Variants in EYS observed in about 807,000 individuals in gnomAD.
EYS encodes EGF-like photoreceptor maintenance factor.
A neutral mutation model predicts 282.1 loss-of-function variants in EYS; 250 were observed. That is an observed-to-expected ratio of 0.89 (90% CI 0.80 to 0.98). EYS has a LOEUF of 0.98. EYS is among the 50% of genes least tolerant of loss of function. The pLI is 0.00. For missense variants in EYS, 4,016 were observed against 3,709.0 expected (o/e 1.08, Z -2.15); for synonymous variants, 1,355 against 1,282.9 (o/e 1.06, Z -1.20).
At chr6:65,170,785 T>C (rs1765087017) in intron 12 of EYS, among the ~76,000 whole-genome samples, 1 of 151,514 alleles carries the variant, frequency 6.6e-6, no homozygotes, top group South Asian at 2.1e-4. Context: ...ATCAATGACA[T>C]CTAAGATGAA....
At chr6:65,346,275 A>G (rs923009270) in intron 9 of EYS, among the ~76,000 whole-genome samples, 47 of 151,816 alleles carry the variant, frequency 3.1e-4, no homozygotes, top group African/African-American at 1.1e-3. Flanking sequence ...GAAAGACTCC[A>G]AACGAGAGAG....
rs1211643493 is a variant in EYS at position 65,134,761 on chromosome 6, G to A, written c.2024-77034C>T. Among the ~76,000 whole-genome samples, 2 of 151,908 alleles carry A rather than the reference G, an allele frequency of 1.3e-5. 1 individual carries two copies. The highest frequency in any genetic ancestry group is 1.3e-4 in the Admixed American group (2 of 15,194). On this transcript the variant is annotated intron_variant, in intron 12 of 42. Transcript: ENST00000503581. ...CCTGAATCTAAAATAAAAAGAGAGG[G>A]AAAGATCAATTTATCATTAAAACTG...
At chr6:64,361,510 T>C (rs1484473117) in intron 29 of EYS, among the ~76,000 whole-genome samples, 1 of 151,930 alleles carries the variant, frequency 6.6e-6, no homozygotes, top group Admixed American at 6.6e-5. Context: ...AGTATTAACA[T>C]TTTTTAGTCT....
At chr6:63,750,872 GT>G (rs1769325530) in intron 41 of EYS, among the ~76,000 whole-genome samples, 1 of 152,188 alleles carries the variant, frequency 6.6e-6, no homozygotes, top group South Asian at 2.1e-4. Context: ...TGGTGTCTTT[GT>G]TGGGGAAGGA....
chr6:64,448,301 C>G (rs6415028), intron 26 of EYS, among the ~76,000 whole-genome samples: 52,814 of 152,108 alleles, frequency 0.35, 9,490 homozygotes, highest in East Asian at 0.46. Flanking sequence ...TGGCAGTGAG[C>G]CTGGGGGAGG....
At chr6:65,094,295 A>G (rs115733788) in intron 12 of EYS, among the ~76,000 whole-genome samples, 235 of 149,300 alleles carry the variant, frequency 1.6e-3, no homozygotes, top group African/African-American at 5.1e-3. Flanking sequence ...CTCCACTTCA[A>G]TAATGAATGG....
At chr6:65,266,526 T>C (rs943156338) in intron 12 of EYS, among the ~76,000 whole-genome samples, 7 of 151,926 alleles carry the variant, frequency 4.6e-5, no homozygotes, top group African/African-American at 1.4e-4. Flanking sequence ...AATTTAAAAA[T>C]AAAATTTTAA....
At chr6:63,886,434 G>T (rs1008381410) in intron 35 of EYS, among the ~76,000 whole-genome samples, 7 of 151,858 alleles carry the variant, frequency 4.6e-5, no homozygotes, top group Admixed American at 3.9e-4. Flanking sequence ...AGTTGTATAT[G>T]TGTGGCTGCA....
At chr6:64,910,044 T>G (rs930749584) in intron 16 of EYS, among the ~76,000 whole-genome samples, 3 of 152,142 alleles carry the variant, frequency 2.0e-5, no homozygotes, top group Non-Finnish European at 4.4e-5. Flanking sequence ...ATACATACGC[T>G]GAATCCTTAG....
At chr6:64,994,928 C>T (rs910652344) in intron 14 of EYS, among the ~76,000 whole-genome samples, 2 of 152,068 alleles carry the variant, frequency 1.3e-5, no homozygotes, top group Non-Finnish European at 2.9e-5. Context: ...TCGGAAGGAC[C>T]GGCCCTTTAC....
chr6:65,340,593 T>G (rs149330746), intron 10 of EYS, among the ~76,000 whole-genome samples: 305 of 151,256 alleles, frequency 2.0e-3, no homozygotes, highest in African/African-American at 6.3e-3. Context: ...AGATTCTCAG[T>G]ATATTGTGCC....
chr6:64,679,642 C>G (rs1769827589), intron 22 of EYS, among the ~76,000 whole-genome samples: 1 of 152,122 alleles, frequency 6.6e-6, no homozygotes, highest in Admixed American at 6.5e-5. Context: ...AGTCTCCACA[C>G]CCAACTGCAG....
At chr6:64,050,465 A>C (rs181516419) in intron 33 of EYS, among the ~76,000 whole-genome samples, 9 of 152,306 alleles carry the variant, frequency 5.9e-5, no homozygotes, top group Admixed American at 2.0e-4. Context: ...GTAGACTCCT[A>C]ATTAAAATGT....
At chr6:65,463,923 G>A (rs1764905099) in intron 5 of EYS, among the ~76,000 whole-genome samples, 1 of 151,994 alleles carries the variant, frequency 6.6e-6, no homozygotes, top group South Asian at 2.1e-4. Context: ...TGGGTTAACT[G>A]TGATGGTATA....
At chr6:64,805,721 A>T (rs1244574816) in intron 22 of EYS, among the ~76,000 whole-genome samples, 2 of 151,136 alleles carry the variant, frequency 1.3e-5, no homozygotes, top group East Asian at 3.9e-4. Flanking sequence ...ATTTAGTAAA[A>T]TTATATTTTA....
At chr6:65,584,297 A>G (rs1764967123) in intron 2 of EYS, among the ~76,000 whole-genome samples, 1 of 152,048 alleles carries the variant, frequency 6.6e-6, no homozygotes, top group South Asian at 2.1e-4. Flanking sequence ...CAACAGTGGG[A>G]AGGGCGTTAG....
intron 33 of EYS, among the ~76,000 whole-genome samples, chr6:64,049,502 A>G (rs373322963): frequency 1.3e-5 from 2 of 152,312 alleles, no homozygotes; most frequent in East Asian, 1.9e-4. Context: ...TACATGTTCA[A>G]TTCTTTCCCA....
chr6:65,095,251 G>T (rs549023550), intron 12 of EYS, among the ~76,000 whole-genome samples: 18 of 151,260 alleles, frequency 1.2e-4, no homozygotes, highest in African/African-American at 4.3e-4. Context: ...GGTACCAGAG[G>T]CCGTAGTATT....
At chr6:64,553,750 C>T (rs1289452091) in intron 26 of EYS, among the ~76,000 whole-genome samples, 3 of 151,950 alleles carry the variant, frequency 2.0e-5, no homozygotes. Flanking sequence ...AAAATTACAG[C>T]TTTGTAATTG....
Sources: gnomAD v4.1 joint callset for allele counts (sites outside exome capture counted in the v4.1 genomes callset) on GRCh38, gnomAD v4.1.1 for gene constraint, MANE v1.5 for transcripts, NCBI Gene and HGNC (gene_info 2026-07-23, HGNC 2026-07-21) for gene names.